Variants in SNCAIP observed in about 807,000 individuals in gnomAD.
The protein encoded by SNCAIP is synuclein alpha interacting protein, also known as synphilin-1.
A neutral mutation model predicts 86.7 loss-of-function variants in SNCAIP; 43 were observed. The ratio of observed to expected loss-of-function variants is 0.50; its 90% CI spans 0.39 to 0.64. The LOEUF is 0.64. SNCAIP is among the 30% of genes least tolerant of loss of function. The pLI, the probability that SNCAIP is intolerant of heterozygous loss-of-function variation, is 0.00. For synonymous variants in SNCAIP, 417 were observed against 427.2 expected, an observed-to-expected ratio of 0.98 and a Z score of 0.29; for missense variants, 981 against 1,103.1, an observed-to-expected ratio of 0.89 and a Z score of 1.57.
At chr5:122,392,288 C>T (rs1166362000) in intron 2 of SNCAIP, among the ~76,000 whole-genome samples, 1 of 151,820 alleles carries the variant, frequency 6.6e-6, no homozygotes, top group African/African-American at 2.4e-5. Flanking sequence ...TCAACATTTG[C>T]CTATTTCAGC....
At chr5:122,396,438 A>T (rs1453836158) in intron 2 of SNCAIP, among the ~76,000 whole-genome samples, 1 of 152,142 alleles carries the variant, frequency 6.6e-6, no homozygotes, top group African/African-American at 2.4e-5. Flanking sequence ...GGATTTTTTT[A>T]AATTTTCCCT....
At chr5:122,447,093 C>T (rs1256309116) in intron 8 of SNCAIP, among the ~76,000 whole-genome samples, 2 of 152,144 alleles carry the variant, frequency 1.3e-5, no homozygotes, top group African/African-American at 4.8e-5. Flanking sequence ...GACATGCACA[C>T]GGGGAGAATA....
At chr5:122,320,886 T>C (rs2152668317) in intron 1 of SNCAIP, among the ~76,000 whole-genome samples, 1 of 152,362 alleles carries the variant, frequency 6.6e-6, no homozygotes, top group East Asian at 1.9e-4. Flanking sequence ...TCTCTCTTGC[T>C]GCAAATGAGT....
intron 3 of SNCAIP, 81 bp downstream of exon 3, chr5:122,403,946 T>TC: frequency 6.0e-6 from 6 of 1,008,294 alleles, no homozygotes; most frequent in East Asian, 2.4e-5. Context: ...CTCACACTGG[T>TC]CCCCCCTGCT....
At chr5:122,411,849 C>G (rs1019769732) in intron 3 of SNCAIP, among the ~76,000 whole-genome samples, 6 of 152,180 alleles carry the variant, frequency 3.9e-5, no homozygotes, top group Non-Finnish European at 8.8e-5. Flanking sequence ...AAGCACTGAC[C>G]TGGGCCACCT....
At chr5:122,385,643 C>T (rs959955209) in intron 1 of SNCAIP, among the ~76,000 whole-genome samples, 1 of 151,262 alleles carries the variant, frequency 6.6e-6, no homozygotes, top group Admixed American at 6.6e-5. Flanking sequence ...TTTCCCAGTA[C>T]AAATTTGGCA....
At chr5:122,446,503 A>G (rs1233057856) in intron 8 of SNCAIP, among the ~76,000 whole-genome samples, 1 of 152,222 alleles carries the variant, frequency 6.6e-6, no homozygotes, top group African/African-American at 2.4e-5. Context: ...CTGCTTTCTC[A>G]GTTGGTGATC....
chr5:122,443,101 T>C (rs540652032), intron 7 of SNCAIP, among the ~76,000 whole-genome samples: 1 of 152,198 alleles, frequency 6.6e-6, no homozygotes, highest in Non-Finnish European at 1.5e-5. Flanking sequence ...GTGACACTCC[T>C]GTGAGGTAGG....
chr5:122,439,360 A>G (rs1455332202), intron 6 of SNCAIP, among the ~76,000 whole-genome samples: 2 of 152,178 alleles, frequency 1.3e-5, no homozygotes, highest in Non-Finnish European at 2.9e-5. Context: ...GCTTTCTGGG[A>G]TGCCTTCTTA....
rs1235072138 is a variant in SNCAIP at position 122,409,337 on chromosome 5, C to G, written c.130+5472C>G. ...ATTGGGCATTCAAATACACATTTGT[C>G]TCAATTCATGCTGCTTTAAATGTGA... On this transcript the variant is annotated intron_variant, in intron 3 of 10. Coordinates refer to ENST00000261368, the MANE Select transcript of SNCAIP (RefSeq NM_005460.4). 2.6e-5 allele frequency among the ~76,000 whole-genome samples: 4 copies of G among 152,292 alleles called. No individual in the cohort carries two copies. In the East Asian group the frequency reaches 5.8e-4, roughly 22 times the overall value.
chr5:122,430,417 A>T (rs1189884991), intron 5 of SNCAIP, among the ~76,000 whole-genome samples: 1 of 152,196 alleles, frequency 6.6e-6, no homozygotes, highest in Non-Finnish European at 1.5e-5. Flanking sequence ...TACATGCTTT[A>T]TCTCATTTAA....
At chr5:122,447,019 T>C (rs1394469895) in intron 8 of SNCAIP, among the ~76,000 whole-genome samples, 2 of 152,200 alleles carry the variant, frequency 1.3e-5, no homozygotes, top group African/African-American at 4.8e-5. Context: ...CAAGCTACAG[T>C]GAGGTCATTA....
chr5:122,454,809 T>A (rs1328022983), intron 10 of SNCAIP, among the ~76,000 whole-genome samples: 1 of 152,232 alleles, frequency 6.6e-6, no homozygotes, highest in East Asian at 1.9e-4. Context: ...AGACAATTAG[T>A]ATCACAGTAG....
intron 1 of SNCAIP, among the ~76,000 whole-genome samples, chr5:122,337,365 A>G (rs1756696684): frequency 6.6e-6 from 1 of 152,226 alleles, no homozygotes; most frequent in East Asian, 1.9e-4. Flanking sequence ...AACTTCCTTT[A>G]AATGAGAATA....
chr5:122,317,484 C>A (rs925999198), intron 1 of SNCAIP, among the ~76,000 whole-genome samples: 1 of 152,110 alleles, frequency 6.6e-6, no homozygotes, highest in Non-Finnish European at 1.5e-5. Context: ...TGAACCAGAC[C>A]CTATGGCCGG....
At chr5:122,421,707 G>A (rs1266740886) in intron 3 of SNCAIP, among the ~76,000 whole-genome samples, 1 of 152,132 alleles carries the variant, frequency 6.6e-6, no homozygotes, top group African/African-American at 2.4e-5. Flanking sequence ...GAACTACATG[G>A]CAGGGAACTA....
At chr5:122,394,974 A>G (rs1770282804) in intron 2 of SNCAIP, among the ~76,000 whole-genome samples, 1 of 152,164 alleles carries the variant, frequency 6.6e-6, no homozygotes, top group African/African-American at 2.4e-5. Flanking sequence ...CAGGACCTAA[A>G]TGCAGAACTA....
chr5:122,382,477 C>T (rs1176877004), intron 1 of SNCAIP, among the ~76,000 whole-genome samples: 3 of 152,198 alleles, frequency 2.0e-5, no homozygotes, highest in Admixed American at 6.5e-5. Flanking sequence ...ACTTCTTTGC[C>T]TTTGGTTTGA....
At chr5:122,408,366 G>A (rs74645166) in intron 3 of SNCAIP, among the ~76,000 whole-genome samples, 2 of 152,148 alleles carry the variant, frequency 1.3e-5, no homozygotes, top group African/African-American at 4.8e-5. Context: ...AAGCCCCTCT[G>A]TGAGACACGC....
Sources: allele counts gnomAD v4.1 joint callset (sites outside exome capture counted in the v4.1 genomes callset), GRCh38; gene constraint gnomAD v4.1.1; transcripts MANE v1.5; gene names NCBI Gene and HGNC (gene_info 2026-07-23, HGNC 2026-07-21).